GRIN2A: variants seen among roughly 807,000 people sequenced by gnomAD.
The protein encoded by GRIN2A is glutamate ionotropic receptor NMDA type subunit 2A, also known as glutamate receptor ionotropic, NMDA 2A.
Under a neutral mutation model 113.4 loss-of-function variants are expected in GRIN2A, and 22 were observed. The observed-to-expected ratio is 0.19, with a 90% confidence interval of 0.14 to 0.28. The LOEUF (loss-of-function observed/expected upper bound fraction) is 0.28. Ranked by LOEUF, GRIN2A falls within the 10% of genes least tolerant of loss-of-function variation. The pLI is 1.00. For missense variants in GRIN2A, 1,502 were observed against 1,887.0 expected (o/e 0.80, Z 3.78); for synonymous variants, 827 against 738.4 (o/e 1.12, Z -1.94).
chr16:10,122,767 G>A (rs535819610), intron 2 of GRIN2A, among the ~76,000 whole-genome samples: 1 of 152,196 alleles, frequency 6.6e-6, no homozygotes, highest in Admixed American at 6.5e-5. Flanking sequence ...ATTGACGCAC[G>A]ATCAGCATAT....
chr16:9,788,523 G>T (rs1902380955), intron 11 of GRIN2A, among the ~76,000 whole-genome samples: 1 of 151,896 alleles, frequency 6.6e-6, no homozygotes, highest in Non-Finnish European at 1.5e-5. Context: ...CTCCTAAAGT[G>T]CCGGGATTAC....
intron 2 of GRIN2A, among the ~76,000 whole-genome samples, chr16:10,027,183 T>G (rs937784295): frequency 6.6e-6 from 1 of 152,130 alleles, no homozygotes; most frequent in Non-Finnish European, 1.5e-5. Flanking sequence ...AGAAAATAAG[T>G]TGTTTATAGC....
chr16:9,779,994 A>G (rs751966301), intron 11 of GRIN2A, among the ~76,000 whole-genome samples: 2 of 152,200 alleles, frequency 1.3e-5, no homozygotes, highest in African/African-American at 4.8e-5. Flanking sequence ...AAATAAGGCA[A>G]TGTTGATGTT....
chr16:10,030,852 T>G (rs1261586863), intron 2 of GRIN2A, among the ~76,000 whole-genome samples: 1 of 152,136 alleles, frequency 6.6e-6, no homozygotes, highest in Non-Finnish European at 1.5e-5. Flanking sequence ...GTGAGCAAAA[T>G]TGCTGTCAAA....
In GRIN2A at chr16:10,025,940, G is replaced by C. The variant is rs2046811372; in HGVS notation, c.415-87389C>G. ...AAAAAATGGGAGGCAAGTGGCTTGAGGAAGTCAGGCACAGCGAGCTTCGTA... is the reference window on the plus strand; with the variant it reads ...AAAAAATGGGAGGCAAGTGGCTTGACGAAGTCAGGCACAGCGAGCTTCGTA... On this transcript the variant is annotated intron_variant, in intron 2 of 12. Transcript: ENST00000330684. Among the ~76,000 whole-genome samples the C allele has an allele frequency of 2.0e-5, 3 of 152,184 alleles. 1 individual carries two copies. In the South Asian group the frequency reaches 6.2e-4, roughly 32 times the overall value.
intron 3 of GRIN2A, among the ~76,000 whole-genome samples, chr16:9,909,430 T>C (rs1327164939): frequency 6.6e-6 from 1 of 152,226 alleles, no homozygotes; most frequent in Non-Finnish European, 1.5e-5. Flanking sequence ...AATGGCAATA[T>C]ATCTGTCACA....
chr16:10,079,549 T>A (rs2047940137), intron 2 of GRIN2A, among the ~76,000 whole-genome samples: 1 of 152,182 alleles, frequency 6.6e-6, no homozygotes, highest in African/African-American at 2.4e-5. Flanking sequence ...CAAGCCCTCA[T>A]AAATGATATT....
chr16:9,858,684 C>G (rs896809967), intron 4 of GRIN2A, among the ~76,000 whole-genome samples: 1 of 152,134 alleles, frequency 6.6e-6, no homozygotes, highest in Admixed American at 6.5e-5. Flanking sequence ...AATTGCTCTT[C>G]AGCTCCTAGA....
chr16:9,842,951 A>AAGAGAG (rs57545330), intron 5 of GRIN2A, among the ~76,000 whole-genome samples: 34,309 of 144,862 alleles, frequency 0.24, 4,252 homozygotes, highest in African/African-American at 0.32. Context: ...GAAAGAAAGA[A>AAGAGAG]AGAGAGAGAG....
intron 2 of GRIN2A, among the ~76,000 whole-genome samples, chr16:9,948,912 G>A (rs2045095669): frequency 6.6e-6 from 1 of 152,194 alleles, no homozygotes; most frequent in African/African-American, 2.4e-5. Flanking sequence ...TACGCAAGTG[G>A]CTGGGTCTCC....
chr16:9,924,530 G>T (rs543045030), intron 3 of GRIN2A, among the ~76,000 whole-genome samples: 4 of 152,224 alleles, frequency 2.6e-5, no homozygotes, highest in Admixed American at 2.6e-4. Context: ...ATTTGATTAT[G>T]CTATGTCTTC....
chr16:10,026,030 C>G (rs1344894729), intron 2 of GRIN2A, among the ~76,000 whole-genome samples: 1 of 152,198 alleles, frequency 6.6e-6, no homozygotes, highest in Non-Finnish European at 1.5e-5. Flanking sequence ...CTGGCTACAT[C>G]ATCACTGTTC....
intron 2 of GRIN2A, among the ~76,000 whole-genome samples, chr16:9,940,697 C>CCAAAACAAAA (rs199854456): frequency 6.6e-6 from 1 of 152,056 alleles, no homozygotes; most frequent in African/African-American, 2.4e-5. Flanking sequence ...AATATTGTGT[C>CCAAAACAAAA]CAAAACAAAA....
chr16:10,098,546 A>C (rs1448233952), intron 2 of GRIN2A, among the ~76,000 whole-genome samples: 2 of 152,224 alleles, frequency 1.3e-5, no homozygotes, highest in Non-Finnish European at 2.9e-5. Context: ...AAAATATGGA[A>C]TCAGCCCAAA....
At chr16:9,953,374 T>G (rs1413861610) in intron 2 of GRIN2A, among the ~76,000 whole-genome samples, 1 of 152,156 alleles carries the variant, frequency 6.6e-6, no homozygotes, top group East Asian at 1.9e-4. Context: ...TGACATACAG[T>G]AGCCACTCTG....
At chr16:9,895,654 T>C (rs889712388) in intron 3 of GRIN2A, among the ~76,000 whole-genome samples, 4 of 152,150 alleles carry the variant, frequency 2.6e-5, no homozygotes, top group African/African-American at 9.7e-5. Flanking sequence ...GCAACTGCAA[T>C]GGAATTTCAG....
At chr16:10,073,661 A>G (rs2047804958) in intron 2 of GRIN2A, among the ~76,000 whole-genome samples, 3 of 152,140 alleles carry the variant, frequency 2.0e-5, no homozygotes, top group Non-Finnish European at 4.4e-5. Flanking sequence ...TCAAAATTAA[A>G]AACTTTTATT....
chr16:9,810,457 TC>T, intron 10 of GRIN2A, among the ~76,000 whole-genome samples: 1 of 152,116 alleles, frequency 6.6e-6, no homozygotes, highest in Non-Finnish European at 1.5e-5. Context: ...GAAAATCATG[TC>T]TTTGCAGATA....
At chr16:10,136,906 G>A (rs1419232847) in intron 2 of GRIN2A, among the ~76,000 whole-genome samples, 1 of 152,234 alleles carries the variant, frequency 6.6e-6, no homozygotes, top group Non-Finnish European at 1.5e-5. Flanking sequence ...AGAGAAGTGA[G>A]ACAGGGAAGT....
Sources: gnomAD v4.1 joint callset for allele counts (sites outside exome capture counted in the v4.1 genomes callset) on GRCh38, gnomAD v4.1.1 for gene constraint, MANE v1.5 for transcripts, NCBI Gene and HGNC (gene_info 2026-07-23, HGNC 2026-07-21) for gene names.